NTM: variants seen among roughly 807,000 people sequenced by gnomAD.
NTM encodes the protein IgLON family member 2.
In NTM, 13 loss-of-function variants were observed where a neutral mutation model predicts 42.1. The ratio of observed to expected loss-of-function variants is 0.31; its 90% CI spans 0.20 to 0.49. The LOEUF (loss-of-function observed/expected upper bound fraction) is 0.49. Among genes scored for constraint, NTM ranks in the 20% least tolerant of loss-of-function variants. The pLI, the probability that NTM is intolerant of heterozygous loss-of-function variation, is 0.99. For synonymous variants in NTM, 187 were observed against 179.2 expected (o/e 1.04, Z -0.35); for missense variants, 373 against 452.8 (o/e 0.82, Z 1.60).
chr11:132,316,789 A>C (rs2095440565), intron 7 of NTM, among the ~76,000 whole-genome samples: 2 of 152,116 alleles, frequency 1.3e-5, no homozygotes, highest in African/African-American at 4.8e-5. Flanking sequence ...TTCGGATGTT[A>C]TTGTGGCTCC....
chr11:131,918,437 T>C (rs1035592976), intron 2 of NTM, among the ~76,000 whole-genome samples: 1 of 152,144 alleles, frequency 6.6e-6, no homozygotes, highest in African/African-American at 2.4e-5. Context: ...TGCTGAGCAG[T>C]TTACCAGAAG....
intron 1 of NTM, among the ~76,000 whole-genome samples, chr11:131,791,287 T>G (rs113433513): frequency 1.3e-5 from 2 of 152,354 alleles, no homozygotes; most frequent in African/African-American, 4.8e-5. Flanking sequence ...TTGCAGATAT[T>G]CTGGCAAAGG....
intron 1 of NTM, among the ~76,000 whole-genome samples, chr11:131,519,916 G>C (rs1231417117): frequency 6.7e-6 from 1 of 150,296 alleles, no homozygotes; most frequent in Non-Finnish European, 1.5e-5. Context: ...CTTCATAGGA[G>C]GCTGCATCTT....
rs1163155842 is a variant in NTM at position 132,320,898 on chromosome 11, AC to A, written c.934+6201del. 9.4e-4 allele frequency among the ~76,000 whole-genome samples: 142 copies of A among 150,796 alleles called. 1 individual carries two copies. The highest frequency in any genetic ancestry group is 1.3e-3 in the Non-Finnish European group (90 of 67,624). On this transcript the variant is annotated intron_variant, in intron 7 of 8. Transcript: ENST00000683400. ...CCCCCGAGCAGCCTAACTGGGAGGC[AC>A]CCCCCAGCAGGGCCACACTGACACC...
chr11:131,590,107 C>T (rs1270150475), intron 1 of NTM, among the ~76,000 whole-genome samples: 1 of 152,212 alleles, frequency 6.6e-6, no homozygotes. Flanking sequence ...CTCTTCCCTG[C>T]ACCCAGCCCT....
chr11:132,007,482 TG>T (rs1437833712), intron 2 of NTM, among the ~76,000 whole-genome samples: 1 of 152,182 alleles, frequency 6.6e-6, no homozygotes, highest in Non-Finnish European at 1.5e-5. Flanking sequence ...TCAACAGCTA[TG>T]GACTCAGTAA....
intron 1 of NTM, among the ~76,000 whole-genome samples, chr11:131,747,865 C>T (rs186363527): frequency 2.1e-4 from 32 of 152,272 alleles, no homozygotes; most frequent in African/African-American, 7.2e-4. Context: ...ACAAGCTCCT[C>T]GTTATCCTGT....
At chr11:131,953,778 G>T (rs902186581) in intron 2 of NTM, among the ~76,000 whole-genome samples, 1 of 152,070 alleles carries the variant, frequency 6.6e-6, no homozygotes, top group Non-Finnish European at 1.5e-5. Flanking sequence ...GAAATTGTTG[G>T]CAAGCTAAAA....
intron 1 of NTM, among the ~76,000 whole-genome samples, chr11:131,542,363 C>T (rs2053387806): frequency 6.6e-6 from 1 of 152,176 alleles, no homozygotes; most frequent in South Asian, 2.1e-4. Flanking sequence ...GTCTTCAGAA[C>T]TGCACTGTGA....
chr11:132,212,513 G>A (rs1428767957), intron 4 of NTM, among the ~76,000 whole-genome samples: 2 of 152,154 alleles, frequency 1.3e-5, no homozygotes, highest in Non-Finnish European at 2.9e-5. Flanking sequence ...ATAATGATGG[G>A]TGAGAGCTTT....
intron 1 of NTM, among the ~76,000 whole-genome samples, chr11:131,701,180 C>G (rs1334054850): frequency 6.6e-6 from 1 of 152,118 alleles, no homozygotes; most frequent in Non-Finnish European, 1.5e-5. Flanking sequence ...GACATACAGA[C>G]CTGGGATTAT....
At chr11:131,455,457 T>C (rs1053594197) in intron 1 of NTM, 1 of 152,288 alleles carries the variant, frequency 6.6e-6, no homozygotes, top group African/African-American at 2.4e-5. Flanking sequence ...AGTAGAACGA[T>C]GAATCAGTAA....
intron 1 of NTM, among the ~76,000 whole-genome samples, chr11:131,636,403 C>T (rs115832145): frequency 0.023 from 3,526 of 152,250 alleles, 134 homozygotes; most frequent in African/African-American, 0.08. Flanking sequence ...TTCCTCCCTG[C>T]GGAACCCTCG....
At chr11:132,289,578 C>G (rs1382569526) in intron 4 of NTM, among the ~76,000 whole-genome samples, 1 of 152,180 alleles carries the variant, frequency 6.6e-6, no homozygotes, top group Non-Finnish European at 1.5e-5. Flanking sequence ...CCTGCCATAA[C>G]CTTAATGTTA....
At chr11:131,696,614 C>T (rs2075477827) in intron 1 of NTM, among the ~76,000 whole-genome samples, 1 of 152,168 alleles carries the variant, frequency 6.6e-6, no homozygotes, top group Non-Finnish European at 1.5e-5. Flanking sequence ...GCCTGATTCT[C>T]ATGTGATAAA....
intron 1 of NTM, among the ~76,000 whole-genome samples, chr11:131,745,276 T>C (rs971556051): frequency 2.6e-5 from 4 of 152,280 alleles, no homozygotes; most frequent in South Asian, 4.1e-4. Flanking sequence ...ACACAGGGAA[T>C]GAGGAGGTGC....
intron 1 of NTM, among the ~76,000 whole-genome samples, chr11:131,568,068 T>C (rs1181288529): frequency 6.6e-6 from 1 of 152,254 alleles, no homozygotes; most frequent in Non-Finnish European, 1.5e-5. Context: ...ATATAGTAAG[T>C]CACAGAATCC....
chr11:131,638,563 C>CA (rs58374119), intron 1 of NTM, among the ~76,000 whole-genome samples: 3,975 of 53,018 alleles, frequency 0.075, 249 homozygotes, highest in Middle Eastern at 0.17. Context: ...GAGACTCCTT[C>CA]AAAAAAAAAA....
In NTM at chr11:131,570,594, G is replaced by A. The variant is rs1180357740; in HGVS notation, c.82+199706G>A. Among the ~76,000 whole-genome samples the A allele has an allele frequency of 2.0e-5, 3 of 152,308 alleles. No homozygotes were observed. In the East Asian group the frequency reaches 5.8e-4, roughly 29 times the overall value. ...AATCCCAGCACTTTGGGAGTCTGAC[G>A]TGGGTGGATCATGAAGTCAAGAGAT... On this transcript the variant is annotated intron_variant, in intron 1 of 8. Coordinates refer to ENST00000683400, the MANE Select transcript of NTM (RefSeq NM_001352005.2).
Sources: allele counts gnomAD v4.1 joint callset (sites outside exome capture counted in the v4.1 genomes callset), GRCh38; gene constraint gnomAD v4.1.1; transcripts MANE v1.5; gene names NCBI Gene and HGNC (gene_info 2026-07-23, HGNC 2026-07-21).